Variants in BRD4 observed in about 807,000 individuals in gnomAD.
The protein encoded by BRD4 is bromodomain containing 4.
A neutral mutation model predicts 142.1 loss-of-function variants in BRD4; 16 were observed. That is an observed-to-expected ratio of 0.11 (90% CI 0.08 to 0.17). BRD4 has a LOEUF of 0.17. Ranked by LOEUF, BRD4 falls within the 10% of genes least tolerant of loss-of-function variation. The pLI, the probability that BRD4 is intolerant of heterozygous loss-of-function variation, is 1.00. For missense variants in BRD4, 1,424 were observed against 1,810.9 expected, an observed-to-expected ratio of 0.79 and a Z score of 3.88; for synonymous variants, 833 against 707.5, an observed-to-expected ratio of 1.18 and a Z score of -2.82.
intron 1 of BRD4, among the ~76,000 whole-genome samples, chr19:15,321,323 T>C (rs1477383690): frequency 6.7e-6 from 1 of 149,406 alleles, no homozygotes; most frequent in Non-Finnish European, 1.5e-5. Context: ...GGGGACTCTG[T>C]CCATTGGACA....
At chr19:15,317,872 T>C (rs2048030005) in intron 1 of BRD4, among the ~76,000 whole-genome samples, 1 of 152,238 alleles carries the variant, frequency 6.6e-6, no homozygotes, top group African/African-American at 2.4e-5. Flanking sequence ...TTGAAAAAGA[T>C]GAACACGAAG....
chr19:15,297,770 G>C (rs145004577), intron 1 of BRD4, among the ~76,000 whole-genome samples: 2,930 of 152,192 alleles, frequency 0.019, 40 homozygotes, highest in Admixed American at 0.037. Context: ...GCCAGCCTTC[G>C]TCACAGCAGA....
intron 1 of BRD4, among the ~76,000 whole-genome samples, chr19:15,311,892 A>G (rs1271804070): frequency 6.6e-6 from 1 of 152,244 alleles, no homozygotes; most frequent in African/African-American, 2.4e-5. Context: ...TCATAGAAAC[A>G]GAAAGTAGAA....
intron 9 of BRD4, 89 bp downstream of exon 9, chr19:15,255,975 G>A: frequency 1.3e-6 from 2 of 1,533,716 alleles, no homozygotes; most frequent in Non-Finnish European, 1.8e-6. Flanking sequence ...CGCACCCAAT[G>A]AGGACAGGGA....
At chr19:15,265,675 A>C in intron 4 of BRD4, 32 bp from the exon 5 acceptor site, 2 of 1,612,370 alleles carry the variant, frequency 1.2e-6, no homozygotes, top group Non-Finnish European at 1.7e-6. Context: ...CGAGTTAGAG[A>C]CCATGCTGAC....
At chr19:15,317,061 T>C (rs1212026702) in intron 1 of BRD4, among the ~76,000 whole-genome samples, 1 of 152,162 alleles carries the variant, frequency 6.6e-6, no homozygotes, top group Non-Finnish European at 1.5e-5. Flanking sequence ...AAGCTGAATA[T>C]GGTGGACTCC....
intron 1 of BRD4, among the ~76,000 whole-genome samples, chr19:15,279,562 G>A (rs2047684827): frequency 6.6e-6 from 1 of 152,190 alleles, no homozygotes; most frequent in African/African-American, 2.4e-5. Flanking sequence ...TCACAAAGCA[G>A]TCTGGCCCCA....
intron 6 of BRD4, chr19:15,264,095 C>A (rs549891166): frequency 5.9e-6 from 2 of 341,090 alleles, no homozygotes; most frequent in Admixed American, 8.9e-5. Context: ...TCCCATGGAG[C>A]ATCTACTGTG....
intron 1 of BRD4, among the ~76,000 whole-genome samples, chr19:15,328,007 T>C (rs1483047147): frequency 6.6e-6 from 1 of 151,510 alleles, no homozygotes; most frequent in African/African-American, 2.4e-5. Flanking sequence ...GATTGTATCA[T>C]GTATAACAAC....
chr19:15,238,278 CA>C lies in BRD4; in HGVS notation c.*98del. 1 of 1,566,272 alleles carries C rather than the reference CA, an allele frequency of 6.4e-7. No individual in the cohort carries two copies. On this transcript the variant is annotated 3_prime_UTR_variant, in exon 20 of 20. Transcript: ENST00000679869. The surrounding 1 kb of genome is among the most constrained non-coding windows in gnomAD (Gnocchi z 7.2). ...CATGCAGGAGGGCCAGGCCCTGAGGCATCCCCTGGCCGCTGATCCCACCTCC... is the reference window on the plus strand; with the variant it reads ...CATGCAGGAGGGCCAGGCCCTGAGGCTCCCCTGGCCGCTGATCCCACCTCC...
At position 15,238,162 on chromosome 19, in the gene BRD4, G is replaced by A. The variant is rs2047208821; in HGVS notation, c.*215C>T. 1.5e-6 allele frequency: 1 copy of A among 667,288 alleles called. No individual in the cohort carries two copies. Among genetic ancestry groups the A allele is most frequent in the African/African-American group, 1.8e-5 (1 of 55,056 alleles). The allele number at this position is 667,288 out of a possible 1,614,324, so 41.3% of individuals were successfully genotyped here. The stretch of plus-strand genomic sequence containing the variant: ...TGTGCTGAGCGGACGTCCTGTGAGG[G>A]GTGGTGGGTGGCGGGACGTCTGTCC... On this transcript the variant is annotated 3_prime_UTR_variant, in exon 20 of 20. Coordinates refer to ENST00000679869, the MANE Select transcript of BRD4 (RefSeq NM_001379291.1). The surrounding 1 kb of genome is among the most constrained non-coding windows in gnomAD (Gnocchi z 7.2).
intron 10 of BRD4, 53 bp downstream of exon 10, chr19:15,255,244 T>C (rs553032840): frequency 3.0e-5 from 46 of 1,548,080 alleles, no homozygotes; most frequent in Admixed American, 2.2e-4. Context: ...AGGGAAAAGT[T>C]ACTCTGAGGG....
At position 15,243,132 on chromosome 19, in the gene BRD4, T is replaced by C. The variant is rs1011877373; in HGVS notation, c.2937A>G (p.Pro979=). 10 of 216,416 alleles carry C rather than the reference T, an allele frequency of 4.6e-5. No homozygotes were observed. The Admixed American group carries it at 4.6e-4, about 10-fold the overall frequency. The allele number at this position is 216,416 out of a possible 1,614,324, so 13.4% of individuals were successfully genotyped here. The part of the protein sequence containing the change: ...QLQQQPPPPP[P]PQPQPPPQQQ... Reference sequence around the variant, plus strand: ...GCTGGGGTGGAGGCTGGGGCTGGGGTGGTGGGGGTGGTGGCGGCTGCTGCT... The same window carrying C: ...GCTGGGGTGGAGGCTGGGGCTGGGGCGGTGGGGGTGGTGGCGGCTGCTGCT... The change falls in exon 14 of 20, where the codon CCA becomes CCG. Residue 979 remains proline, a synonymous_variant. Coordinates refer to ENST00000679869, the MANE Select transcript of BRD4 (RefSeq NM_001379291.1).
chr19:15,247,628 G>T, intron 11 of BRD4: 1 of 233,096 alleles, frequency 4.3e-6, no homozygotes, highest in Non-Finnish European at 8.5e-6. Context: ...CTGCCATTTG[G>T]TCCAAGAAAG....
At chr19:15,310,649 G>A (rs916973782) in intron 1 of BRD4, among the ~76,000 whole-genome samples, 21 of 151,674 alleles carry the variant, frequency 1.4e-4, no homozygotes, top group Non-Finnish European at 2.9e-4. Flanking sequence ...GTGAGCCACC[G>A]CGCCTGGCCA....
chr19:15,264,301 TC>T, intron 6 of BRD4, 102 bp downstream of exon 6: 4 of 1,461,722 alleles, frequency 2.7e-6, no homozygotes, highest in Non-Finnish European at 3.6e-6. Flanking sequence ...CAGCCACCGT[TC>T]CAGGGCCTGG....
chr19:15,320,959 C>T (rs993458211), intron 1 of BRD4, among the ~76,000 whole-genome samples: 1 of 152,240 alleles, frequency 6.6e-6, no homozygotes, highest in Non-Finnish European at 1.5e-5. Context: ...CTGGGCCAGG[C>T]ATAGTGGCTC....
intron 1 of BRD4, among the ~76,000 whole-genome samples, chr19:15,295,942 G>A (rs781439696): frequency 3.3e-5 from 5 of 152,214 alleles, no homozygotes; most frequent in Admixed American, 1.3e-4. Flanking sequence ...CTGCACTCCA[G>A]CCTGGGCAAC....
intron 1 of BRD4, among the ~76,000 whole-genome samples, chr19:15,282,220 C>CA (rs2047710105): frequency 1.3e-5 from 2 of 152,094 alleles, no homozygotes; most frequent in Admixed American, 6.5e-5. Context: ...AAATGAGCCT[C>CA]ACTGTGTGCC....
Sources: gnomAD v4.1 joint callset for allele counts (sites outside exome capture counted in the v4.1 genomes callset) on GRCh38, gnomAD v4.1.1 for gene constraint, Gnocchi (gnomAD v3.1) non-coding constraint, MANE v1.5 for transcripts, NCBI Gene and HGNC (gene_info 2026-07-23, HGNC 2026-07-21) for gene names.